Variants in ARMC1 observed in about 807,000 individuals in gnomAD.
ARMC1 encodes the protein armadillo repeat-containing protein 1.
Under a neutral mutation model 31.4 loss-of-function variants are expected in ARMC1, and 16 were observed. The observed-to-expected ratio is 0.51, with a 90% CI of 0.34 to 0.77. The LOEUF (loss-of-function observed/expected upper bound fraction) is 0.77, where lower values mean the gene tolerates loss of function less well. ARMC1 is among the 30% of genes least tolerant of loss of function. ARMC1 has a pLI of 0.01. For synonymous variants in ARMC1, 114 were observed against 118.9 expected, an observed-to-expected ratio of 0.96 and a Z score of 0.27; for missense variants, 259 against 347.5, an observed-to-expected ratio of 0.75 and a Z score of 2.02.
At chr8:65,608,103 A>G (rs1808042087) in intron 4 of ARMC1, among the ~76,000 whole-genome samples, 1 of 152,218 alleles carries the variant, frequency 6.6e-6, no homozygotes, top group African/African-American at 2.4e-5. Flanking sequence ...ATTTACAGCT[A>G]TATCAATAGC....
chr8:65,629,524 G>A (rs1808590487), intron 1 of ARMC1, among the ~76,000 whole-genome samples: 1 of 152,080 alleles, frequency 6.6e-6, no homozygotes, highest in African/African-American at 2.4e-5. Context: ...ATTCCAGATG[G>A]GCGCGGTGGC....
intron 2 of ARMC1, among the ~76,000 whole-genome samples, chr8:65,626,284 G>T (rs926844657): frequency 1.3e-5 from 2 of 151,962 alleles, no homozygotes; most frequent in African/African-American, 4.8e-5. Flanking sequence ...GACAGGGAGT[G>T]TTGGGGTCTG....
At chr8:65,628,633 A>G (rs1484537302) in intron 1 of ARMC1, among the ~76,000 whole-genome samples, 8 of 144,968 alleles carry the variant, frequency 5.5e-5, no homozygotes, top group South Asian at 2.2e-4. Context: ...CGAGGCAGGC[A>G]GATCTCCTGA....
intron 3 of ARMC1, among the ~76,000 whole-genome samples, chr8:65,620,593 C>A (rs1808373513): frequency 6.6e-6 from 1 of 151,734 alleles, no homozygotes; most frequent in Non-Finnish European, 1.5e-5. Flanking sequence ...CCACTCCCTG[C>A]CATTAATTTT....
intron 4 of ARMC1, among the ~76,000 whole-genome samples, chr8:65,611,805 ACT>A (rs1162715930): frequency 2.7e-5 from 4 of 147,688 alleles, no homozygotes; most frequent in African/African-American, 1.0e-4. Context: ...ACGGAGTCTC[ACT>A]CTGTCACTCA....
intron 3 of ARMC1, among the ~76,000 whole-genome samples, chr8:65,615,432 C>T (rs1043844500): frequency 6.7e-6 from 1 of 148,234 alleles, no homozygotes; most frequent in Non-Finnish European, 1.5e-5. Flanking sequence ...GGGCCGGGTA[C>T]AGTGGCTCAT....
chr8:65,633,935 G>A (rs1333474773), intron 1 of ARMC1, 63 bp downstream of exon 1: 1 of 152,462 alleles, frequency 6.6e-6, no homozygotes, highest in South Asian at 2.1e-4. Flanking sequence ...CTCGGTACAG[G>A]GGCCGCTTCC....
rs865980419 is a variant in ARMC1 at position 65,619,631 on chromosome 8, G to C, written c.275+2632C>G. On this transcript the variant is annotated intron_variant, in intron 3 of 6. Coordinates refer to ENST00000276569, the MANE Select transcript of ARMC1 (RefSeq NM_018120.6). ...GGAGGCCGAGATAGGAGGATCACTT[G>C]AGTCCAGGAGTTCGAAACCAGTCTA... 2.0e-5 allele frequency among the ~76,000 whole-genome samples: 3 copies of C among 152,034 alleles called. No homozygotes were observed. In the South Asian group the frequency reaches 6.2e-4, roughly 32 times the overall value.
At chr8:65,629,965 T>C (rs1427461291) in intron 1 of ARMC1, among the ~76,000 whole-genome samples, 1 of 151,966 alleles carries the variant, frequency 6.6e-6, no homozygotes, top group Non-Finnish European at 1.5e-5. Flanking sequence ...ACCAATATGG[T>C]GAAACGTCAT....
intron 1 of ARMC1, chr8:65,632,804 C>A (rs1356717098): frequency 7.0e-6 from 1 of 142,516 alleles, no homozygotes; most frequent in Non-Finnish European, 1.5e-5. Context: ...CCAGCCTGAG[C>A]GACAGAGCGA....
intron 4 of ARMC1, among the ~76,000 whole-genome samples, chr8:65,608,898 G>A (rs1479738742): frequency 4.6e-5 from 7 of 151,952 alleles, no homozygotes; most frequent in East Asian, 1.9e-4. Flanking sequence ...GCGACAGAGT[G>A]AGACTCTGTC....
intron 2 of ARMC1, among the ~76,000 whole-genome samples, chr8:65,624,268 G>T (rs935187829): frequency 1.3e-5 from 2 of 151,376 alleles, no homozygotes; most frequent in Non-Finnish European, 2.9e-5. Flanking sequence ...GGAAGCTGAG[G>T]GGGGCAGATC....
chr8:65,627,956 C>A (rs1033690455), intron 1 of ARMC1, among the ~76,000 whole-genome samples: 1 of 152,192 alleles, frequency 6.6e-6, no homozygotes, highest in South Asian at 2.1e-4. Context: ...AGGTATTTAG[C>A]CTGTGGCTCA....
chr8:65,606,543 T>C (rs1039163461), intron 4 of ARMC1, among the ~76,000 whole-genome samples: 1 of 152,200 alleles, frequency 6.6e-6, no homozygotes, highest in Non-Finnish European at 1.5e-5. Flanking sequence ...GGCATTCTTA[T>C]GGTTACTATT....
intron 1 of ARMC1, among the ~76,000 whole-genome samples, chr8:65,631,992 C>A (rs760142419): frequency 1.3e-5 from 2 of 151,966 alleles, no homozygotes; most frequent in Non-Finnish European, 2.9e-5. Context: ...TGGCAAAGTG[C>A]AAAATAATTT....
intron 3 of ARMC1, among the ~76,000 whole-genome samples, chr8:65,617,153 T>C (rs1209157024): frequency 6.6e-6 from 1 of 152,232 alleles, no homozygotes; most frequent in East Asian, 1.9e-4. Context: ...CGGGCCATGA[T>C]GACGATGGCG....
intron 4 of ARMC1, among the ~76,000 whole-genome samples, chr8:65,606,671 C>T (rs948068962): frequency 2.0e-5 from 3 of 152,188 alleles, no homozygotes; most frequent in African/African-American, 7.2e-5. Context: ...TTATCCTGGT[C>T]TTCCACTTTC....
At chr8:65,625,134 CA>C (rs1808487270) in intron 2 of ARMC1, among the ~76,000 whole-genome samples, 1 of 152,088 alleles carries the variant, frequency 6.6e-6, no homozygotes, top group Non-Finnish European at 1.5e-5. Flanking sequence ...AAAACAACAA[CA>C]AAAAAATCTT....
chr8:65,623,837 G>A (rs1480485573), intron 2 of ARMC1, among the ~76,000 whole-genome samples: 3 of 30,728 alleles, frequency 9.8e-5, no homozygotes, highest in East Asian at 7.2e-4. Context: ...TTGTTCTTTC[G>A]CCCAGGCTGG....
Sources: gnomAD v4.1 joint callset for allele counts (sites outside exome capture counted in the v4.1 genomes callset) on GRCh38, gnomAD v4.1.1 for gene constraint, MANE v1.5 for transcripts, NCBI Gene and HGNC (gene_info 2026-07-23, HGNC 2026-07-21) for gene names.